The following PDE7B variants were observed in gnomAD, a reference collection of about 807,000 sequenced individuals.
PDE7B encodes the protein phosphodiesterase 7B.
In PDE7B, 29 loss-of-function variants were observed where a neutral mutation model predicts 56.2. The observed-to-expected ratio is 0.52, with a 90% CI of 0.38 to 0.70. PDE7B has a LOEUF of 0.70. Ranked by LOEUF, PDE7B falls within the 30% of genes least tolerant of loss-of-function variation. PDE7B has a pLI of 0.00. For synonymous variants in PDE7B, 197 were observed against 196.9 expected (o/e 1.00, Z 0.00); for missense variants, 490 against 565.0 (o/e 0.87, Z 1.35).
chr6:136,053,634 A>C (rs1449492969), intron 2 of PDE7B, among the ~76,000 whole-genome samples: 5 of 152,220 alleles, frequency 3.3e-5, no homozygotes, highest in Admixed American at 6.5e-5. Context: ...GAATCACCAC[A>C]CTGACTTCCA....
chr6:136,041,749 A>G (rs1199781358), intron 2 of PDE7B, among the ~76,000 whole-genome samples: 1 of 152,226 alleles, frequency 6.6e-6, no homozygotes, highest in Non-Finnish European at 1.5e-5. Context: ...GTTAATACTC[A>G]CATCTTTTTC....
At chr6:135,915,726 A>G (rs576309580) in intron 1 of PDE7B, among the ~76,000 whole-genome samples, 20 of 152,068 alleles carry the variant, frequency 1.3e-4, no homozygotes, top group African/African-American at 4.6e-4. Flanking sequence ...ATCACAACCA[A>G]CCACTGTCAA....
chr6:136,065,205 T>A (rs1776913026), intron 2 of PDE7B, among the ~76,000 whole-genome samples: 1 of 152,206 alleles, frequency 6.6e-6, no homozygotes, highest in Non-Finnish European at 1.5e-5. Flanking sequence ...GCTTTGAAGA[T>A]GCCATAAAAT....
chr6:136,061,992 A>T (rs1050549868), intron 2 of PDE7B, among the ~76,000 whole-genome samples: 1 of 152,166 alleles, frequency 6.6e-6, no homozygotes, highest in East Asian at 1.9e-4. Context: ...CGATCTAGGG[A>T]TAAGACAGAA....
intron 2 of PDE7B, among the ~76,000 whole-genome samples, chr6:136,090,294 C>T (rs1207003834): frequency 6.6e-6 from 1 of 152,092 alleles, no homozygotes; most frequent in African/African-American, 2.4e-5. Context: ...AGGATGTCTT[C>T]CATAAAGTTG....
intron 2 of PDE7B, among the ~76,000 whole-genome samples, chr6:136,100,876 C>T (rs1355052111): frequency 1.3e-5 from 2 of 152,120 alleles, no homozygotes; most frequent in Admixed American, 1.3e-4. Flanking sequence ...CCAGGTTTGC[C>T]CATTCAGTAT....
chr6:135,931,949 GCGCGCACACACACA>G (rs1774300582), intron 1 of PDE7B, among the ~76,000 whole-genome samples: 1 of 62,164 alleles, frequency 1.6e-5, no homozygotes, highest in Non-Finnish European at 3.0e-5. Context: ...ACACACACGC[GCGCGCACACACACA>G]CACACACACA....
chr6:135,932,546 GT>G (rs1774312617), intron 1 of PDE7B, among the ~76,000 whole-genome samples: 1 of 152,170 alleles, frequency 6.6e-6, no homozygotes, highest in African/African-American at 2.4e-5. Flanking sequence ...AAACATTGAA[GT>G]TTTAAAAAAT....
At chr6:135,893,414 C>T (rs1775844181) in intron 1 of PDE7B, among the ~76,000 whole-genome samples, 1 of 152,096 alleles carries the variant, frequency 6.6e-6, no homozygotes, top group Non-Finnish European at 1.5e-5. Context: ...TTTTTTATGG[C>T]TGCATAGTAT....
intron 2 of PDE7B, among the ~76,000 whole-genome samples, chr6:135,970,381 T>G (rs922882391): frequency 6.6e-6 from 1 of 151,916 alleles, no homozygotes; most frequent in South Asian, 2.1e-4. Flanking sequence ...TGGAATGGGA[T>G]GAACAAGAGG....
chr6:136,045,158 G>T (rs1312468776), intron 2 of PDE7B, among the ~76,000 whole-genome samples: 1 of 151,474 alleles, frequency 6.6e-6, no homozygotes, highest in African/African-American at 2.4e-5. Flanking sequence ...TACATACTAG[G>T]TACATCTCAT....
At chr6:136,167,823 T>C (rs147995714) in intron 8 of PDE7B, among the ~76,000 whole-genome samples, 4 of 152,172 alleles carry the variant, frequency 2.6e-5, no homozygotes, top group Non-Finnish European at 5.9e-5. Flanking sequence ...TTTGAGTGGA[T>C]ACAAAAGGAA....
At chr6:135,964,678 C>T (rs1411141609) in intron 2 of PDE7B, among the ~76,000 whole-genome samples, 1 of 151,966 alleles carries the variant, frequency 6.6e-6, no homozygotes, top group Non-Finnish European at 1.5e-5. Flanking sequence ...ATGGATTTGT[C>T]CAGTAAAAGT....
intron 1 of PDE7B, among the ~76,000 whole-genome samples, chr6:135,869,100 A>C (rs1200854352): frequency 1.3e-5 from 2 of 152,212 alleles, no homozygotes; most frequent in East Asian, 3.8e-4. Flanking sequence ...ATGAGGGCAT[A>C]AAACCAGATG....
chr6:135,991,077 A>G (rs1421408701), intron 2 of PDE7B, among the ~76,000 whole-genome samples: 2 of 152,206 alleles, frequency 1.3e-5, no homozygotes, highest in Non-Finnish European at 2.9e-5. Flanking sequence ...CTGTCATGGC[A>G]CTGGTGGGAG....
At chr6:135,996,299 C>T (rs1775562521) in intron 2 of PDE7B, among the ~76,000 whole-genome samples, 2 of 152,108 alleles carry the variant, frequency 1.3e-5, no homozygotes, top group South Asian at 2.1e-4. Flanking sequence ...TTTATTCAAA[C>T]AAATCAAGCA....
chr6:135,906,806 G>GTTTTTTT (rs1383346069), intron 1 of PDE7B, among the ~76,000 whole-genome samples: 2 of 32,434 alleles, frequency 6.2e-5, no homozygotes, highest in Non-Finnish European at 1.2e-4. Flanking sequence ...TGTTAATGAG[G>GTTTTTTT]TTTGTTTTTT....
chr6:135,998,524 A>G (rs1775606320), intron 2 of PDE7B, among the ~76,000 whole-genome samples: 1 of 152,216 alleles, frequency 6.6e-6, no homozygotes, highest in Non-Finnish European at 1.5e-5. Flanking sequence ...TGGGAGGCCG[A>G]GGCGGGCAGA....
At position 136,108,718 on chromosome 6, in the gene PDE7B, TTC is replaced by T. The variant is rs764791396; in HGVS notation, c.83-11_83-10del. ...ATGTTTTCAAGCCTTTGTTTGGATT[TTC>T]TGTTTTCTAGGAGATATACGACTAA... On this transcript the variant is annotated splice_polypyrimidine_tract_variant and intron_variant, in intron 2 of 12. Transcript: ENST00000308191. 81 of 1,573,096 alleles carry T rather than the reference TTC, an allele frequency of 5.1e-5. No homozygotes were observed. The Admixed American group carries it at 9.2e-4, about 18-fold the overall frequency.
Sources: gnomAD v4.1 joint callset for allele counts (sites outside exome capture counted in the v4.1 genomes callset) on GRCh38, gnomAD v4.1.1 for gene constraint, MANE v1.5 for transcripts, NCBI Gene and HGNC (gene_info 2026-07-23, HGNC 2026-07-21) for gene names.